GPC5: variants seen among roughly 807,000 people sequenced by gnomAD.
The protein encoded by GPC5 is glypican 5.
A neutral mutation model predicts 53.9 loss-of-function variants in GPC5; 47 were observed. The ratio of observed to expected loss-of-function variants is 0.87; its 90% confidence interval spans 0.69 to 1.11. The LOEUF (loss-of-function observed/expected upper bound fraction) is 1.11. GPC5 is among the 50% of genes most tolerant of loss of function. The pLI is 0.00. For missense variants in GPC5, 748 were observed against 713.1 expected, an observed-to-expected ratio of 1.05 and a Z score of -0.56; for synonymous variants, 286 against 263.3, an observed-to-expected ratio of 1.09 and a Z score of -0.84.
chr13:91,619,516 C>G (rs1351609530), intron 2 of GPC5, among the ~76,000 whole-genome samples: 2 of 151,930 alleles, frequency 1.3e-5, no homozygotes, highest in South Asian at 4.1e-4. Flanking sequence ...CTTAGTATTG[C>G]GGGGTAGGAT....
intron 7 of GPC5, among the ~76,000 whole-genome samples, chr13:92,663,695 A>G (rs1886437629): frequency 7.0e-6 from 1 of 142,000 alleles, no homozygotes; most frequent in African/African-American, 2.6e-5. Context: ...TATCTACTAT[A>G]TATATTATAT....
chr13:92,342,127 C>T (rs767470420), intron 7 of GPC5, among the ~76,000 whole-genome samples: 1 of 152,142 alleles, frequency 6.6e-6, no homozygotes, highest in Non-Finnish European at 1.5e-5. Context: ...ACTTTCATCA[C>T]TTCAAATTGT....
intron 7 of GPC5, among the ~76,000 whole-genome samples, chr13:92,353,249 A>G (rs2043494651): frequency 8.0e-6 from 1 of 124,446 alleles, no homozygotes; most frequent in South Asian, 2.9e-4. Context: ...CCTGGGCGAC[A>G]GAGCGAGACT....
chr13:92,340,060 T>C (rs1346384119), intron 7 of GPC5: 1 of 152,144 alleles, frequency 6.6e-6, no homozygotes, highest in South Asian at 2.1e-4. Flanking sequence ...CAAACTAAGA[T>C]GTATGTTTAA....
At chr13:92,149,065 A>G (rs2041888691) in intron 7 of GPC5, among the ~76,000 whole-genome samples, 1 of 151,538 alleles carries the variant, frequency 6.6e-6, no homozygotes, top group African/African-American at 2.4e-5. Context: ...CACAGTGGTA[A>G]TCGAGGGAAA....
intron 7 of GPC5, among the ~76,000 whole-genome samples, chr13:92,620,080 T>A (rs1045697992): frequency 6.6e-6 from 1 of 152,096 alleles, no homozygotes; most frequent in African/African-American, 2.4e-5. Context: ...GTTTAGAGGA[T>A]GAACAATGAT....
chr13:92,071,190 T>C (rs1408612385), intron 6 of GPC5, among the ~76,000 whole-genome samples: 1 of 152,116 alleles, frequency 6.6e-6, no homozygotes, highest in Non-Finnish European at 1.5e-5. Flanking sequence ...GAACCAAGAT[T>C]GTGCCACTAC....
chr13:92,787,468 A>G lies in GPC5; in HGVS notation c.1562-78814A>G, dbSNP rs556175508. ...AAATTAAATGTTTATGATTAAACTT[A>G]CTTCGTTTCAGTCAAAGGGAAAACA... On this transcript the variant is annotated intron_variant, in intron 7 of 7. Transcript: ENST00000377067. Among the ~76,000 whole-genome samples, 279 of 151,996 alleles carry G rather than the reference A, an allele frequency of 1.8e-3. 2 individuals are homozygous for G. Among genetic ancestry groups the G allele is most frequent in the African/African-American group, 6.5e-3 (269 of 41,492 alleles).
intron 5 of GPC5, among the ~76,000 whole-genome samples, chr13:91,847,785 T>A (rs1341061485): frequency 1.3e-5 from 2 of 152,190 alleles, no homozygotes; most frequent in Non-Finnish European, 2.9e-5. Context: ...TCTCTGAGAT[T>A]AGTTTCTAAA....
At chr13:92,667,440 G>C (rs1886612995) in intron 7 of GPC5, among the ~76,000 whole-genome samples, 1 of 152,188 alleles carries the variant, frequency 6.6e-6, no homozygotes, top group African/African-American at 2.4e-5. Flanking sequence ...AATACGGTCA[G>C]AGAGACAAGA....
intron 7 of GPC5, among the ~76,000 whole-genome samples, chr13:92,429,907 G>A (rs1877010362): frequency 6.6e-6 from 1 of 152,040 alleles, no homozygotes; most frequent in South Asian, 2.1e-4. Context: ...GAGATCTATT[G>A]TACAACATGG....
intron 7 of GPC5, among the ~76,000 whole-genome samples, chr13:92,590,359 T>C (rs932131374): frequency 1.3e-5 from 2 of 151,732 alleles, no homozygotes; most frequent in African/African-American, 4.8e-5. Flanking sequence ...GGACAGTTTA[T>C]CTATTGAAAA....
intron 5 of GPC5, among the ~76,000 whole-genome samples, chr13:91,784,232 T>A (rs952276695): frequency 6.6e-6 from 1 of 152,202 alleles, no homozygotes; most frequent in Non-Finnish European, 1.5e-5. Context: ...AAATGTAGTA[T>A]AATTTTATTT....
Position 91,736,153 on chromosome 13 carries a change from G to A in GPC5, c.1154+7488G>A, listed in dbSNP as rs544127335. 8.6e-5 allele frequency among the ~76,000 whole-genome samples: 13 copies of A among 150,856 alleles called. 1 individual carries two copies. The highest frequency in any genetic ancestry group is 2.7e-4 in the African/African-American group (11 of 40,418). On this transcript the variant is annotated intron_variant, in intron 4 of 7. Transcript: ENST00000377067. ...ATGAGTATTTATAGAAAAGAAAGAG[G>A]GTGAGGGATGAATTAAAAAATTAAG...
chr13:91,537,205 C>G (rs145120630), intron 2 of GPC5, among the ~76,000 whole-genome samples: 1 of 151,748 alleles, frequency 6.6e-6, no homozygotes, highest in South Asian at 2.1e-4. Context: ...TTAAAGGAAA[C>G]GAGTTAAACA....
chr13:91,821,344 G>A (rs567783313), intron 5 of GPC5, among the ~76,000 whole-genome samples: 1 of 152,228 alleles, frequency 6.6e-6, no homozygotes, highest in South Asian at 2.1e-4. Context: ...GTTAAACATC[G>A]TAATCTGTCC....
intron 7 of GPC5, among the ~76,000 whole-genome samples, chr13:92,816,853 T>C (rs528667732): frequency 6.6e-6 from 1 of 152,132 alleles, no homozygotes; most frequent in African/African-American, 2.4e-5. Context: ...CTCTGAAATA[T>C]GTAAACTCCA....
At chr13:92,154,897 A>G (rs192265440) in intron 7 of GPC5, among the ~76,000 whole-genome samples, 160 of 152,336 alleles carry the variant, frequency 1.1e-3, no homozygotes, top group African/African-American at 3.6e-3. Flanking sequence ...CATTAAATAT[A>G]ACACATTATC....
At chr13:92,197,866 C>T (rs1161122036) in intron 7 of GPC5, among the ~76,000 whole-genome samples, 3 of 151,942 alleles carry the variant, frequency 2.0e-5, no homozygotes, top group Non-Finnish European at 4.4e-5. Context: ...TCCCAAACAA[C>T]TCCGTATGAT....
Sources: gnomAD v4.1 joint callset for allele counts (sites outside exome capture counted in the v4.1 genomes callset) on GRCh38, gnomAD v4.1.1 for gene constraint, MANE v1.5 for transcripts, NCBI Gene and HGNC (gene_info 2026-07-23, HGNC 2026-07-21) for gene names.